The following OTOGL variants were observed in gnomAD, a reference collection of about 807,000 sequenced individuals.
OTOGL encodes otogelin-like protein.
Under a neutral mutation model 318.5 loss-of-function variants are expected in OTOGL, and 285 were observed. That is an observed-to-expected ratio of 0.89 (90% CI 0.81 to 0.99). OTOGL has a LOEUF of 0.99. Among genes scored for constraint, OTOGL ranks in the 50% least tolerant of loss-of-function variants. OTOGL has a pLI of 0.00. For synonymous variants in OTOGL, 987 were observed against 936.5 expected (o/e 1.05, Z -0.99); for missense variants, 2,899 against 2,845.6 (o/e 1.02, Z -0.43).
At chr12:80,147,464 T>G (rs1468140040) in intron 1 of OTOGL, among the ~76,000 whole-genome samples, 1 of 151,286 alleles carries the variant, frequency 6.6e-6, no homozygotes, top group Non-Finnish European at 1.5e-5. Flanking sequence ...TGAGGAGAGC[T>G]TTACTTCCAA....
chr12:80,339,440 G>A (rs1355989062), intron 43 of OTOGL, among the ~76,000 whole-genome samples, 176 bp downstream of exon 43: 1 of 150,196 alleles, frequency 6.7e-6, no homozygotes, highest in Non-Finnish European at 1.5e-5. Flanking sequence ...CCATAAATGT[G>A]CTAAGAAGCA....
rs571483601 is a variant in OTOGL, at chr12:80,163,021, A to G, written c.-19-46392A>G. 6.6e-5 allele frequency among the ~76,000 whole-genome samples: 10 copies of G among 152,228 alleles called. No individual in the cohort carries two copies. The East Asian group carries it at 1.7e-3, about 27-fold the overall frequency. ...ACTGGGTCCTCTTTACTATTAGACT[A>G]AAGATATTCTTTCCAAAAAAATGGA... On this transcript the variant is annotated intron_variant, in intron 1 of 58. Coordinates refer to ENST00000547103, the MANE Select transcript of OTOGL (RefSeq NM_001378609.3).
At chr12:80,371,889 C>T in intron 56 of OTOGL, 130 bp from the exon 57 acceptor site, 10 of 416,278 alleles carry the variant, frequency 2.4e-5, no homozygotes, top group South Asian at 1.4e-4. Flanking sequence ...AGTTAAATTC[C>T]AACTATTTTT....
At chr12:80,303,852 C>T (rs970445950) in intron 28 of OTOGL, among the ~76,000 whole-genome samples, 2 of 152,106 alleles carry the variant, frequency 1.3e-5, no homozygotes, top group Admixed American at 6.5e-5. Flanking sequence ...GATTGTAATT[C>T]GAGGTGAGAT....
chr12:80,175,160 AAAT>A (rs1458410721), intron 1 of OTOGL, among the ~76,000 whole-genome samples: 2 of 152,132 alleles, frequency 1.3e-5, no homozygotes, highest in African/African-American at 4.8e-5. Flanking sequence ...CTCTTAATGG[AAAT>A]AAAAACAAGG....
chr12:80,251,488 A>G (rs1225696171), intron 11 of OTOGL, among the ~76,000 whole-genome samples: 2 of 152,208 alleles, frequency 1.3e-5, no homozygotes, highest in Non-Finnish European at 2.9e-5. Flanking sequence ...TTATTTATCT[A>G]GGCCTAATTA....
At chr12:80,245,016 T>C (rs1048213480) in intron 11 of OTOGL, among the ~76,000 whole-genome samples, 4 of 148,004 alleles carry the variant, frequency 2.7e-5, no homozygotes, top group African/African-American at 1.1e-4. Context: ...TTGTTTGTTT[T>C]TTTCTTGTAA....
chr12:80,328,852 A>G (rs1592714218), intron 36 of OTOGL, 108 bp downstream of exon 36: 3 of 1,141,636 alleles, frequency 2.6e-6, no homozygotes, highest in Non-Finnish European at 3.8e-6. Context: ...ATCAACTCTC[A>G]TAAGATTATT....
intron 4 of OTOGL, among the ~76,000 whole-genome samples, chr12:80,213,590 C>T (rs1416044436): frequency 2.0e-5 from 3 of 152,138 alleles, no homozygotes; most frequent in South Asian, 2.1e-4. Context: ...AATGGAAATA[C>T]ATTTTATTTT....
intron 28 of OTOGL, among the ~76,000 whole-genome samples, chr12:80,304,574 G>T (rs1885987331): frequency 6.6e-6 from 1 of 152,080 alleles, no homozygotes; most frequent in Non-Finnish European, 1.5e-5. Flanking sequence ...ATTGTATATT[G>T]AAGTTATAGT....
At chr12:80,276,316 A>C (rs993376085) in intron 24 of OTOGL, among the ~76,000 whole-genome samples, 1 of 151,818 alleles carries the variant, frequency 6.6e-6, no homozygotes, top group African/African-American at 2.4e-5. Context: ...AATCTACCTT[A>C]GGGGACTGTC....
At chr12:80,114,753 A>G (rs10746149) in intron 1 of OTOGL, among the ~76,000 whole-genome samples, 83,766 of 151,756 alleles carry the variant, frequency 0.55, 23,262 homozygotes, top group Middle Eastern at 0.59. Context: ...ATGTATACCA[A>G]TCAAATGTAG....
intron 37 of OTOGL, 73 bp downstream of exon 37, chr12:80,329,192 G>A (rs1887909983): frequency 9.3e-6 from 11 of 1,177,466 alleles, no homozygotes; most frequent in Admixed American, 3.6e-5. Flanking sequence ...TGTAATTTAG[G>A]TGTTACTATA....
intron 52 of OTOGL, among the ~76,000 whole-genome samples, chr12:80,359,974 T>C (rs1428749328): frequency 1.3e-5 from 2 of 152,244 alleles, no homozygotes; most frequent in East Asian, 1.9e-4. Flanking sequence ...TTCAGGGTTC[T>C]AACCAAGGAT....
chr12:80,135,465 G>T (rs1018175839), intron 1 of OTOGL, among the ~76,000 whole-genome samples: 2 of 151,802 alleles, frequency 1.3e-5, no homozygotes, highest in African/African-American at 2.4e-5. Context: ...TAGAAACAGA[G>T]TTTCACCACG....
intron 1 of OTOGL, among the ~76,000 whole-genome samples, chr12:80,160,800 AC>A (rs2137192405): frequency 6.6e-6 from 1 of 152,314 alleles, no homozygotes; most frequent in African/African-American, 2.4e-5. Context: ...TTACAGCAGC[AC>A]AGTTCACAAT....
At chr12:80,228,470 CA>C (rs891603137) in intron 7 of OTOGL, among the ~76,000 whole-genome samples, 5 of 151,196 alleles carry the variant, frequency 3.3e-5, no homozygotes, top group Admixed American at 6.6e-5. Context: ...CAAAAACAAA[CA>C]AAAAAAACCC....
chr12:80,126,987 C>G (rs1433753961), intron 1 of OTOGL, among the ~76,000 whole-genome samples: 1 of 152,156 alleles, frequency 6.6e-6, no homozygotes, highest in African/African-American at 2.4e-5. Flanking sequence ...GGTCTTGACT[C>G]TTTATCCAAT....
intron 30 of OTOGL, among the ~76,000 whole-genome samples, chr12:80,311,862 G>A (rs1194613210): frequency 6.6e-6 from 1 of 152,132 alleles, no homozygotes; most frequent in Non-Finnish European, 1.5e-5. Context: ...GATACTTAAT[G>A]AGTTTTTTGT....
Sources: gnomAD v4.1 joint callset for allele counts (sites outside exome capture counted in the v4.1 genomes callset) on GRCh38, gnomAD v4.1.1 for gene constraint, MANE v1.5 for transcripts, NCBI Gene and HGNC (gene_info 2026-07-23, HGNC 2026-07-21) for gene names.